Variants in FAM83A observed in about 807,000 individuals in gnomAD.
FAM83A encodes scaffolding CK1 anchoring protein A.
FAM83A carries 21 observed loss-of-function variants against 24.4 expected under a neutral mutation model. The observed-to-expected ratio is 0.86, with a 90% CI of 0.61 to 1.24. The LOEUF (loss-of-function observed/expected upper bound fraction) is 1.24, where lower values mean the gene tolerates loss of function less well. Among genes scored for constraint, FAM83A ranks in the 50% most tolerant of loss-of-function variants. The pLI is 0.00. For synonymous variants in FAM83A, 270 were observed against 252.4 expected (o/e 1.07, Z -0.66); for missense variants, 617 against 579.8 (o/e 1.06, Z -0.66).
chr8:123,208,008 C>T, exon 4 of FAM83A: 1 of 1,148,978 alleles, frequency 8.7e-7, no homozygotes, highest in Non-Finnish European at 1.1e-6. Flanking sequence ...TAATGGCCCC[C>T]AAAACTCCGT....
exon 3 of FAM83A, chr8:123,194,133 T>C: frequency 1.2e-6 from 2 of 1,614,038 alleles, no homozygotes; most frequent in Non-Finnish European, 1.7e-6. Flanking sequence ...AGATTTGTCC[T>C]GTCTGGATCT....
rs886709102 is a variant in FAM83A at position 123,209,625 on chromosome 8, G to C, written c.*1937G>C. On this transcript the variant is annotated 3_prime_UTR_variant, in exon 4 of 4. Transcript: ENST00000690554. This position sits in a 1 kb window ranked among gnomAD's most constrained non-coding sequence, Gnocchi z 4.7. The stretch of plus-strand genomic sequence containing the variant: ...AGTTTAAGGAAGGCAAAGCTTGCCA[G>C]GTCACAGAAGCTCCCAAGCCCAGCT... 5.7e-5 allele frequency: 86 copies of C among 1,503,558 alleles called. No individual in the cohort carries two copies. In the South Asian group the frequency reaches 9.4e-4, roughly 16 times the overall value. 93.1% of individuals were successfully genotyped at this position (1,503,558 alleles called of 1,614,324 possible).
intron 1 of FAM83A, among the ~76,000 whole-genome samples, chr8:123,186,364 A>G (rs1003313798): frequency 1.3e-5 from 2 of 152,120 alleles, no homozygotes; most frequent in Admixed American, 6.6e-5. Context: ...AGGTGATGAG[A>G]AGAATAGGAG....
exon 4 of FAM83A, chr8:123,207,520 G>C: frequency 6.4e-7 from 1 of 1,570,302 alleles, no homozygotes; most frequent in Non-Finnish European, 8.6e-7. Flanking sequence ...GGGGAGCCCC[G>C]AGTCCCCAGG....
At chr8:123,190,461 C>T (rs1040431706) in intron 1 of FAM83A, among the ~76,000 whole-genome samples, 21 of 150,712 alleles carry the variant, frequency 1.4e-4, no homozygotes, top group Admixed American at 1.2e-3. Context: ...GACGAGCTTT[C>T]ACCATGTTGA....
chr8:123,209,559 C>T lies in FAM83A; in HGVS notation c.*1871C>T, dbSNP rs367874056. ...GAGATGAGGTTAGAATGACTGGGCC[C>T]GGCTGAACATTCCAAATTGGATTTC... is the stretch of plus-strand genomic sequence containing the variant. On this transcript the variant is annotated 3_prime_UTR_variant, in exon 4 of 4. Coordinates refer to ENST00000690554, the Ensembl canonical transcript of FAM83A. The surrounding 1 kb of genome is among the most constrained non-coding windows in gnomAD (Gnocchi z 4.7). 91 of 1,613,614 alleles carry T rather than the reference C, an allele frequency of 5.6e-5. No homozygotes were observed. In the Admixed American group the frequency reaches 7.3e-4, roughly 13 times the overall value.
At chr8:123,187,675 C>A (rs1353585827) in intron 1 of FAM83A, among the ~76,000 whole-genome samples, 1 of 152,008 alleles carries the variant, frequency 6.6e-6, no homozygotes, top group Admixed American at 6.6e-5. Context: ...CCCACACGAA[C>A]AAAAGCTCTT....
At position 123,194,130 on chromosome 8, in the gene FAM83A, T is replaced by G. The variant is rs751451364; in HGVS notation, c.755T>G (p.Val252Gly). 2.5e-6 allele frequency: 4 copies of G among 1,614,076 alleles called. No individual in the cohort carries two copies. The East Asian group carries it at 6.7e-5, about 27-fold the overall frequency. ...TTCATCATCTCGGACTGGAGATTTG[T>G]CCTGTCTGGATCTTACAGGTGAGCC... Residue 252 changes from valine (V) to glycine (G), a missense_variant, in exon 3 of 4, where the codon GTC (valine) becomes GGC (glycine). By Grantham distance (109) the Val-to-Gly change is moderately radical (BLOSUM62 -3). Coordinates refer to ENST00000690554, the Ensembl canonical transcript of FAM83A.
At chr8:123,182,134 A>C (rs1823612683), upstream of FAM83A, 1 of 456,116 alleles carries the variant, frequency 2.2e-6, no homozygotes, top group Non-Finnish European at 4.4e-6. Flanking sequence ...TGGCCTGAGA[A>C]CTGGAACCTC....
chr8:123,180,264 A>G (rs1391300684), upstream of FAM83A: 1 of 151,912 alleles, frequency 6.6e-6, no homozygotes, highest in Admixed American at 6.6e-5. Context: ...TTTAACAGGC[A>G]ATGGGGAGCC....
rs1010445695 is a variant in FAM83A at position 123,209,259 on chromosome 8, C to T, written c.*1571C>T. On this transcript the variant is annotated 3_prime_UTR_variant, in exon 4 of 4. Coordinates refer to ENST00000690554, the Ensembl canonical transcript of FAM83A. This position sits in a 1 kb window ranked among gnomAD's most constrained non-coding sequence, Gnocchi z 4.7. ...CTCTTCCTCCTGGTGGCCTCTGACC[C>T]CTGACGGCCTGTGGCATCCTCCCTA... is the stretch of plus-strand genomic sequence containing the variant. 3.9e-6 allele frequency: 5 copies of T among 1,279,434 alleles called. No individual in the cohort carries two copies. The African/African-American group carries it at 7.7e-5, about 20-fold the overall frequency. The allele number at this position is 1,279,434 out of a possible 1,614,324, so 79.3% of individuals were successfully genotyped here.
At chr8:123,198,131 A>AAAAT (rs893727326) in intron 3 of FAM83A, among the ~76,000 whole-genome samples, 50 of 152,212 alleles carry the variant, frequency 3.3e-4, no homozygotes, top group South Asian at 3.1e-3. Context: ...ACTCTCCCTT[A>AAAAT]AAATAAATAA....
intron 1 of FAM83A, among the ~76,000 whole-genome samples, chr8:123,190,581 A>T (rs1823942634): frequency 1.3e-5 from 2 of 152,160 alleles, no homozygotes; most frequent in Admixed American, 6.5e-5. Context: ...AACATTTTTA[A>T]TGACTGCCTA....
rs761437034 is a variant in FAM83A at position 123,207,144 on chromosome 8, T to A, written c.774-13T>A. On this transcript the variant is annotated splice_polypyrimidine_tract_variant and intron_variant, in intron 3 of 3. Coordinates refer to ENST00000690554, the Ensembl canonical transcript of FAM83A. Reference sequence around the variant, plus strand: ...CCTTCTCCTCCATCACTCTCTCTCCTCTTCCCCTCCAGCTTCACCTGGCTC... The same window carrying A: ...CCTTCTCCTCCATCACTCTCTCTCCACTTCCCCTCCAGCTTCACCTGGCTC... 1 of 1,271,098 alleles carries A rather than the reference T, an allele frequency of 7.9e-7. No individual in the cohort carries two copies. The allele number at this position is 1,271,098 out of a possible 1,614,324, so 78.7% of individuals were successfully genotyped here. A position where few individuals can be genotyped will look rare whatever the true frequency, so the allele number is the denominator to read the frequency against.
At position 123,209,147 on chromosome 8, in the gene FAM83A, CCTT is replaced by C; in HGVS notation, c.*1462_*1464del. On this transcript the variant is annotated 3_prime_UTR_variant, in exon 4 of 4. Coordinates refer to ENST00000690554, the Ensembl canonical transcript of FAM83A. The surrounding 1 kb of genome is among the most constrained non-coding windows in gnomAD (Gnocchi z 4.7). ...AGGGGAGCAGGTGCCAACTCCACAT[CCTT>C]CTCCTGTTTCTAGGCCCTCTCCTCC... 1 of 1,079,168 alleles carries C rather than the reference CCTT, an allele frequency of 9.3e-7. No homozygotes were observed. The highest frequency in any genetic ancestry group is 1.7e-5 in the African/African-American group (1 of 59,842). 66.8% of individuals were successfully genotyped at this position (1,079,168 alleles called of 1,614,324 possible). A position where few individuals can be genotyped will look rare whatever the true frequency, so the allele number is the denominator to read the frequency against.
chr8:123,201,844 G>A (rs1824370106), intron 3 of FAM83A: 1 of 152,352 alleles, frequency 6.6e-6, no homozygotes, highest in African/African-American at 2.4e-5. Context: ...GTGGATTGGT[G>A]TGTGTGCTCT....
Position 123,191,886 on chromosome 8 carries a change from C to T in FAM83A, c.564C>T (p.Phe188=), listed in dbSNP as rs1378116226. The change falls in exon 2 of 4, where the codon TTC becomes TTT. Residue 188 remains phenylalanine, a synonymous_variant. Coordinates refer to ENST00000690554, the Ensembl canonical transcript of FAM83A. ...AGGCAGCCAACAAGCGTGGGGTGTT[C>T]GTTTGTGTGCTCCTGGACCAGGGAG... 5 of 1,614,020 alleles carry T rather than the reference C, an allele frequency of 3.1e-6. No homozygotes were observed. In the African/African-American group the frequency reaches 5.3e-5, roughly 17 times the overall value.
At chr8:123,207,841 A>C in exon 4 of FAM83A, 1 of 1,387,948 alleles carries the variant, frequency 7.2e-7, no homozygotes, top group Admixed American at 3.4e-5. Flanking sequence ...GCCCCAGGCC[A>C]TCCACTTGCC....
upstream of FAM83A, chr8:123,182,146 G>A (rs536957197): frequency 4.4e-6 from 2 of 456,204 alleles, no homozygotes; most frequent in South Asian, 3.1e-5. Context: ...TGGAACCTCT[G>A]CGGTCTCTGC....
Sources: allele counts gnomAD v4.1 joint callset (sites outside exome capture counted in the v4.1 genomes callset), GRCh38; gene constraint gnomAD v4.1.1; non-coding constraint Gnocchi (gnomAD v3.1); transcripts MANE v1.5; gene names NCBI Gene and HGNC (gene_info 2026-07-23, HGNC 2026-07-21).